Variants in CCDC93 observed in about 807,000 individuals in gnomAD.
CCDC93 encodes CCC complex scaffolding subunit CCDC93.
CCDC93 carries 61 observed loss-of-function variants against 108.2 expected under a neutral mutation model. The observed-to-expected ratio is 0.56, with a 90% confidence interval of 0.46 to 0.70. The LOEUF (loss-of-function observed/expected upper bound fraction) is 0.70, where lower values mean the gene tolerates loss of function less well. CCDC93 is among the 30% of genes least tolerant of loss of function. CCDC93 has a pLI of 0.00. For synonymous variants in CCDC93, 276 were observed against 260.4 expected, an observed-to-expected ratio of 1.06 and a Z score of -0.58; for missense variants, 685 against 764.2, an observed-to-expected ratio of 0.90 and a Z score of 1.22.
chr2:117,952,670 AT>A (rs1679096464), intron 12 of CCDC93, among the ~76,000 whole-genome samples: 1 of 152,246 alleles, frequency 6.6e-6, no homozygotes, highest in African/African-American at 2.4e-5. Context: ...GAATCTTTAT[AT>A]TCAGTGAAAA....
At chr2:117,994,504 C>A (rs1680584164) in intron 6 of CCDC93, among the ~76,000 whole-genome samples, 1 of 152,138 alleles carries the variant, frequency 6.6e-6, no homozygotes, top group Non-Finnish European at 1.5e-5. Flanking sequence ...TCTTTCATTA[C>A]CAAATGATTG....
intron 7 of CCDC93, among the ~76,000 whole-genome samples, chr2:117,985,121 C>T (rs7573835): frequency 0.064 from 9,236 of 144,126 alleles, 312 homozygotes; most frequent in Middle Eastern, 0.15. Context: ...AGTTTTTATT[C>T]TTAGGAAGAA....
chr2:117,929,238 T>C (rs1678238455), intron 23 of CCDC93, among the ~76,000 whole-genome samples: 1 of 152,196 alleles, frequency 6.6e-6, no homozygotes, highest in Non-Finnish European at 1.5e-5. Flanking sequence ...TGTGCACATG[T>C]ACCCTAAAAC....
At chr2:117,987,602 G>A (rs1680358297) in intron 6 of CCDC93, among the ~76,000 whole-genome samples, 1 of 152,176 alleles carries the variant, frequency 6.6e-6, no homozygotes, top group African/African-American at 2.4e-5. Flanking sequence ...CCCTCAATGG[G>A]CCTCAGTTTC....
intron 12 of CCDC93, 118 bp downstream of exon 12, chr2:117,958,247 A>T: frequency 3.0e-6 from 2 of 666,230 alleles, no homozygotes; most frequent in Non-Finnish European, 5.4e-6. Context: ...TAATTTACAA[A>T]AACAAGTGGC....
At chr2:118,002,655 G>T (rs571927116) in intron 3 of CCDC93, among the ~76,000 whole-genome samples, 5 of 152,108 alleles carry the variant, frequency 3.3e-5, no homozygotes, top group African/African-American at 9.7e-5. Context: ...TTCCTCCTAG[G>T]AGGGAAGCAT....
chr2:117,974,085 T>C, intron 10 of CCDC93, 91 bp from the exon 11 acceptor site: 4 of 826,982 alleles, frequency 4.8e-6, no homozygotes, highest in Non-Finnish European at 8.2e-6. Context: ...CTGAACACTC[T>C]ATTATGGTAA....
intron 1 of CCDC93, among the ~76,000 whole-genome samples, chr2:118,009,633 T>C (rs1676971096): frequency 6.6e-6 from 1 of 151,930 alleles, no homozygotes; most frequent in Admixed American, 6.6e-5. Flanking sequence ...GACTGTGCCA[T>C]TGCACTCCAG....
intron 23 of CCDC93, among the ~76,000 whole-genome samples, chr2:117,921,243 G>A (rs902158111): frequency 8.6e-5 from 13 of 151,306 alleles, no homozygotes; most frequent in African/African-American, 2.7e-4. Context: ...TCAATGGCAC[G>A]TGCTACGGGT....
At chr2:117,936,348 A>G (rs555034715) in intron 21 of CCDC93, among the ~76,000 whole-genome samples, 2 of 152,370 alleles carry the variant, frequency 1.3e-5, no homozygotes, top group African/African-American at 4.8e-5. Context: ...TAAAAAATCT[A>G]AAAAATTATA....
Position 117,949,688 on chromosome 2 carries a change from GTTAC to G in CCDC93, c.1069-297_1069-294del, listed in dbSNP as rs375816736. The G allele has an allele frequency of 7.5e-4, 658 of 877,992 alleles. 3 individuals are homozygous for G. In the African/African-American group the frequency reaches 0.011, roughly 15 times the overall value. The allele number at this position is 877,992 out of a possible 1,614,324, so 54.4% of individuals were successfully genotyped here. A position where few individuals can be genotyped will look rare whatever the true frequency, so the allele number is the denominator to read the frequency against. On this transcript the variant is annotated intron_variant, in intron 13 of 23. Coordinates refer to ENST00000376300, the MANE Select transcript of CCDC93 (RefSeq NM_019044.5). The stretch of plus-strand genomic sequence containing the variant: ...TTTGAATTTTGTACGATGTGAATGT[GTTAC>G]TTATTCAAAAATTAAAAAAAAAAAG...
In CCDC93 at chr2:117,931,163, T is replaced by G; in HGVS notation, c.1729-13A>C. ...TTTTCTTTTCCATCTGTTGAAACATTGTGGGAAATGGTGATGAAAAGACAT... is the reference window on the plus strand; with the variant it reads ...TTTTCTTTTCCATCTGTTGAAACATGGTGGGAAATGGTGATGAAAAGACAT... On this transcript the variant is annotated splice_polypyrimidine_tract_variant and intron_variant, in intron 22 of 23. Transcript: ENST00000376300. 1 of 1,593,804 alleles carries G rather than the reference T, an allele frequency of 6.3e-7. No homozygotes were observed. The highest frequency in any genetic ancestry group is 8.6e-7 in the Non-Finnish European group (1 of 1,161,682).
At chr2:117,986,954 C>G (rs530741644) in intron 6 of CCDC93, among the ~76,000 whole-genome samples, 2 of 150,444 alleles carry the variant, frequency 1.3e-5, no homozygotes, top group East Asian at 2.0e-4. Flanking sequence ...TCTACTATTA[C>G]AGCTTGAGCT....
chr2:117,964,829 C>T (rs944027952), intron 11 of CCDC93, among the ~76,000 whole-genome samples: 2 of 152,292 alleles, frequency 1.3e-5, no homozygotes, highest in African/African-American at 4.8e-5. Flanking sequence ...TCTCAAACTC[C>T]TGGCCTCAAG....
chr2:117,984,581 G>A (rs2016072), intron 7 of CCDC93, among the ~76,000 whole-genome samples: 8,051 of 152,254 alleles, frequency 0.053, 287 homozygotes, highest in Non-Finnish European at 0.082. Flanking sequence ...TGGTCTCAGC[G>A]AGGTGGGCAA....
rs200427073 is a variant in CCDC93 at position 117,931,179 on chromosome 2, G to A, written c.1729-29C>T. The A allele has an allele frequency of 2.6e-4, 395 of 1,493,886 alleles. 1 individual carries two copies. The African/African-American group carries it at 4.2e-3, about 16-fold the overall frequency. 92.5% of individuals were successfully genotyped at this position (1,493,886 alleles called of 1,614,324 possible). Reference sequence around the variant, plus strand: ...TTGAAACATTGTGGGAAATGGTGATGAAAAGACATGTTCTGCCCAAGGGCT... The same window carrying A: ...TTGAAACATTGTGGGAAATGGTGATAAAAAGACATGTTCTGCCCAAGGGCT... On this transcript the variant is annotated intron_variant, in intron 22 of 23. Transcript: ENST00000376300.
rs371944460 is a variant in CCDC93 at position 117,924,205 on chromosome 2, T to C, written c.1843-3809A>G. Among the ~76,000 whole-genome samples, 519 of 152,122 alleles carry C rather than the reference T, an allele frequency of 3.4e-3. 2 individuals carry two copies. Among genetic ancestry groups the C allele is most frequent in the African/African-American group, 0.012 (490 of 41,496 alleles). On this transcript the variant is annotated intron_variant, in intron 23 of 23. Transcript: ENST00000376300. ...AAACCAGAGCAGAAAAACTGGAAAC[T>C]GTAAAAATCAGAGTGCCTCTCCTCC...
intron 12 of CCDC93, among the ~76,000 whole-genome samples, chr2:117,955,834 A>C (rs1249110374): frequency 6.6e-6 from 1 of 152,222 alleles, no homozygotes; most frequent in African/African-American, 2.4e-5. Flanking sequence ...TAACCATACA[A>C]GTCACTCTCC....
intron 23 of CCDC93, among the ~76,000 whole-genome samples, chr2:117,925,427 A>T (rs1201563813): frequency 6.6e-6 from 1 of 152,208 alleles, no homozygotes; most frequent in Admixed American, 6.5e-5. Context: ...ATGGAGGAAG[A>T]TCTACCAAGC....
Sources: allele counts gnomAD v4.1 joint callset (sites outside exome capture counted in the v4.1 genomes callset), GRCh38; gene constraint gnomAD v4.1.1; transcripts MANE v1.5; gene names NCBI Gene and HGNC (gene_info 2026-07-23, HGNC 2026-07-21).